Variants in ICA1L observed in about 807,000 individuals in gnomAD.
ICA1L encodes islet cell autoantigen 1-like protein.
A neutral mutation model predicts 61.3 loss-of-function variants in ICA1L; 50 were observed. That is an observed-to-expected ratio of 0.82 (90% CI 0.65 to 1.03). The LOEUF is 1.03. Among genes scored for constraint, ICA1L ranks in the 50% least tolerant of loss-of-function variants. ICA1L has a pLI of 0.00. For missense variants in ICA1L, 508 were observed against 556.7 expected (o/e 0.91, Z 0.88); for synonymous variants, 161 against 191.3 (o/e 0.84, Z 1.31).
chr2:202,850,719 G>T (rs1694593069), intron 1 of ICA1L, among the ~76,000 whole-genome samples: 1 of 152,182 alleles, frequency 6.6e-6, no homozygotes, highest in African/African-American at 2.4e-5. Flanking sequence ...CACAGTTCAG[G>T]ATATTATCGA....
At chr2:202,831,927 G>A (rs948244457) in intron 1 of ICA1L, among the ~76,000 whole-genome samples, 12 of 152,020 alleles carry the variant, frequency 7.9e-5, no homozygotes, top group African/African-American at 2.4e-4. Context: ...TATTTAGGAG[G>A]GATTTCATAA....
intron 1 of ICA1L, among the ~76,000 whole-genome samples, chr2:202,856,111 G>C (rs1694764457): frequency 6.7e-6 from 1 of 149,270 alleles, no homozygotes; most frequent in Non-Finnish European, 1.5e-5. Context: ...AAGAAAAAGA[G>C]GGACTCCTCC....
At chr2:202,787,156 G>A (rs542330087) in intron 11 of ICA1L, among the ~76,000 whole-genome samples, 1 of 152,248 alleles carries the variant, frequency 6.6e-6, no homozygotes, top group South Asian at 2.1e-4. Context: ...TTTTGGTCCC[G>A]TCTTAGCTAT....
chr2:202,840,680 G>A (rs556871044), intron 1 of ICA1L: 6 of 595,094 alleles, frequency 1.0e-5, no homozygotes, highest in African/African-American at 3.7e-5. Context: ...CAGCTGCTAC[G>A]CCATGTCCTG....
At chr2:202,819,602 A>G (rs1693638743) in intron 5 of ICA1L, 99 bp downstream of exon 5, 26 of 953,248 alleles carry the variant, frequency 2.7e-5, no homozygotes, top group Non-Finnish European at 3.6e-5. Flanking sequence ...AATGAAACAT[A>G]TATTTACCAA....
intron 1 of ICA1L, among the ~76,000 whole-genome samples, chr2:202,870,126 TCA>T: frequency 6.6e-6 from 1 of 152,204 alleles, no homozygotes; most frequent in South Asian, 2.1e-4. Context: ...AAATATAGAA[TCA>T]CACAATGAAA....
In ICA1L at chr2:202,815,295, A is replaced by C. The variant is rs192969713; in HGVS notation, c.784-511T>G. ...CTTTAACATCCATCCTAAACCCCAGAAATATGCAAGATATGAGCCTATCAC... is the reference window on the plus strand; with the variant it reads ...CTTTAACATCCATCCTAAACCCCAGCAATATGCAAGATATGAGCCTATCAC... On this transcript the variant is annotated intron_variant, in intron 7 of 12. Transcript: ENST00000358299. 9.8e-4 allele frequency among the ~76,000 whole-genome samples: 149 copies of C among 152,346 alleles called. 1 individual carries two copies. The highest frequency in any genetic ancestry group is 3.3e-3 in the African/African-American group (139 of 41,586).
rs1433626432 is a variant in ICA1L, at chr2:202,773,436, A to G, written c.*6097T>C. 4.9e-6 allele frequency: 1 copy of G among 205,688 alleles called. No homozygotes were observed. Among genetic ancestry groups the G allele is most frequent in the Non-Finnish European group, 9.9e-6 (1 of 101,322 alleles). 12.7% of individuals were successfully genotyped at this position (205,688 alleles called of 1,614,324 possible). ...TTTCAATGACTCTTAGATGAATGGA[A>G]TAAGAAGTAGTCATCACATGTCAAT... is the stretch of plus-strand genomic sequence containing the variant. On this transcript the variant is annotated 3_prime_UTR_variant, in exon 13 of 13. Coordinates refer to ENST00000358299, the MANE Select transcript of ICA1L (RefSeq NM_001288622.3).
intron 1 of ICA1L, among the ~76,000 whole-genome samples, chr2:202,838,406 T>C (rs1328654056): frequency 6.6e-6 from 1 of 152,226 alleles, no homozygotes; most frequent in Non-Finnish European, 1.5e-5. Context: ...CTGTTAATAT[T>C]GGATGGAATG....
Position 202,777,460 on chromosome 2 carries a change from G to A in ICA1L, c.*2073C>T, listed in dbSNP as rs1425629696. 1.3e-5 allele frequency: 2 copies of A among 152,130 alleles called. No homozygotes were observed. Among genetic ancestry groups the A allele is most frequent in the African/African-American group, 4.8e-5 (2 of 41,400 alleles). The allele number at this position is 152,130 out of a possible 1,614,324, so 9.4% of individuals were successfully genotyped here. A position where few individuals can be genotyped will look rare whatever the true frequency, so the allele number is the denominator to read the frequency against. On this transcript the variant is annotated 3_prime_UTR_variant, in exon 13 of 13. Coordinates refer to ENST00000358299, the MANE Select transcript of ICA1L (RefSeq NM_001288622.3). ...ATCATGATCTTGGTGATTGGAACTT[G>A]GCAGAACAGTGACAGTATTACATTC...
chr2:202,841,711 G>A lies in ICA1L; in HGVS notation c.-7-12695C>T, dbSNP rs186543158. On this transcript the variant is annotated intron_variant, in intron 1 of 12. Coordinates refer to ENST00000358299, the MANE Select transcript of ICA1L (RefSeq NM_001288622.3). ...GCCCACGCGCATAGGAGCAGTTGCC[G>A]AAGGCCTGGGGGCCAGAGGACCACC... 294 of 517,628 alleles carry A rather than the reference G, an allele frequency of 5.7e-4. No homozygotes were observed. The East Asian group carries it at 6.5e-3, about 12-fold the overall frequency. 32.1% of individuals were successfully genotyped at this position (517,628 alleles called of 1,614,324 possible). A position where few individuals can be genotyped will look rare whatever the true frequency, so the allele number is the denominator to read the frequency against.
intron 1 of ICA1L, among the ~76,000 whole-genome samples, chr2:202,832,192 G>A (rs74787926): frequency 6.6e-6 from 1 of 152,104 alleles, no homozygotes; most frequent in African/African-American, 2.4e-5. Flanking sequence ...AAGCAAAACA[G>A]AATCCAGAAT....
intron 1 of ICA1L, among the ~76,000 whole-genome samples, chr2:202,848,546 G>C (rs1694527845): frequency 6.6e-6 from 1 of 152,144 alleles, no homozygotes; most frequent in Non-Finnish European, 1.5e-5. Context: ...AAGGCAGTTA[G>C]GTACATCCAG....
chr2:202,811,066 C>T (rs932752335), intron 9 of ICA1L, among the ~76,000 whole-genome samples: 3 of 152,100 alleles, frequency 2.0e-5, no homozygotes, highest in African/African-American at 7.2e-5. Context: ...ATCTTATTAC[C>T]TTGTGAAGTA....
At chr2:202,838,805 A>G (rs1694226460) in intron 1 of ICA1L, among the ~76,000 whole-genome samples, 1 of 152,232 alleles carries the variant, frequency 6.6e-6, no homozygotes, top group South Asian at 2.1e-4. Flanking sequence ...TACAGGAAGT[A>G]CGGTGCTAGC....
intron 3 of ICA1L, among the ~76,000 whole-genome samples, chr2:202,822,512 C>T (rs1693728785): frequency 1.3e-5 from 2 of 152,028 alleles, no homozygotes; most frequent in African/African-American, 2.4e-5. Context: ...CAGTTTACAA[C>T]AGATTGAAAG....
intron 1 of ICA1L, chr2:202,841,267 C>G: frequency 1.4e-6 from 1 of 735,530 alleles, no homozygotes; most frequent in Non-Finnish European, 2.5e-6. Flanking sequence ...AAGTCTTCCA[C>G]CAGCCCTGGC....
chr2:202,828,478 A>T (rs535488465), intron 2 of ICA1L, among the ~76,000 whole-genome samples: 1 of 152,306 alleles, frequency 6.6e-6, no homozygotes, highest in East Asian at 1.9e-4. Context: ...ATTTGATTTT[A>T]ATTATTTCAG....
rs377122414 is a variant in ICA1L, at chr2:202,836,074, G to A, written c.-7-7058C>T. 9.2e-5 allele frequency among the ~76,000 whole-genome samples: 14 copies of A among 152,224 alleles called. No individual in the cohort carries two copies. The South Asian group carries it at 2.9e-3, about 32-fold the overall frequency. On this transcript the variant is annotated intron_variant, in intron 1 of 12. Transcript: ENST00000358299. The stretch of plus-strand genomic sequence containing the variant: ...ACTGTGTTGAATGGAAGCGCTGAAA[G>A]TGGGCATACTTGTCTTGTTCTTGAT...
Sources: allele counts gnomAD v4.1 joint callset (sites outside exome capture counted in the v4.1 genomes callset), GRCh38; gene constraint gnomAD v4.1.1; transcripts MANE v1.5; gene names NCBI Gene and HGNC (gene_info 2026-07-23, HGNC 2026-07-21).